The following DLG1 variants were observed in gnomAD, a reference collection of about 807,000 sequenced individuals.
The protein encoded by DLG1 is disks large homolog 1.
DLG1 carries 42 observed loss-of-function variants against 123.4 expected under a neutral mutation model. The ratio of observed to expected loss-of-function variants is 0.34; its 90% confidence interval spans 0.27 to 0.44. DLG1 has a LOEUF of 0.44. Among genes scored for constraint, DLG1 ranks in the 20% least tolerant of loss-of-function variants. The pLI, the probability that DLG1 is intolerant of heterozygous loss-of-function variation, is 1.00. For synonymous variants in DLG1, 317 were observed against 356.2 expected, an observed-to-expected ratio of 0.89 and a Z score of 1.24; for missense variants, 942 against 1,082.6, an observed-to-expected ratio of 0.87 and a Z score of 1.82.
intron 16 of DLG1, among the ~76,000 whole-genome samples, chr3:197,082,908 T>C (rs1752073401): frequency 6.6e-6 from 1 of 152,168 alleles, no homozygotes; most frequent in African/African-American, 2.4e-5. Flanking sequence ...CAGTGTTTAT[T>C]ATTGGGTGTA....
At chr3:197,241,172 T>C (rs1334943967) in intron 4 of DLG1, among the ~76,000 whole-genome samples, 1 of 151,874 alleles carries the variant, frequency 6.6e-6, no homozygotes, top group Non-Finnish European at 1.5e-5. Context: ...AAATAACATA[T>C]AAAGAAGCTC....
chr3:197,114,643 AG>A (rs1284913762), intron 13 of DLG1, among the ~76,000 whole-genome samples: 3 of 152,200 alleles, frequency 2.0e-5, no homozygotes, highest in African/African-American at 2.4e-5. Flanking sequence ...TACAATGACT[AG>A]GGAGTTTTAC....
intron 16 of DLG1, 81 bp downstream of exon 16, chr3:197,085,499 G>T: frequency 1.4e-6 from 2 of 1,436,738 alleles, no homozygotes; most frequent in Non-Finnish European, 9.7e-7. Flanking sequence ...GTCCATCCAT[G>T]TTGTCACAAA....
chr3:197,107,804 C>CA (rs761466341), intron 13 of DLG1, among the ~76,000 whole-genome samples: 1 of 139,442 alleles, frequency 7.2e-6, no homozygotes, highest in Non-Finnish European at 1.6e-5. Flanking sequence ...TTCTGGTAGC[C>CA]TTTTTTTTTT....
intron 24 of DLG1, among the ~76,000 whole-genome samples, chr3:197,049,899 CA>C (rs1183205174): frequency 1.3e-5 from 2 of 151,750 alleles, no homozygotes; most frequent in Non-Finnish European, 2.9e-5. Context: ...CCTGTCTCTA[CA>C]AAAATAAAAA....
chr3:197,216,748 A>C (rs537717270), intron 4 of DLG1, among the ~76,000 whole-genome samples: 3 of 152,320 alleles, frequency 2.0e-5, no homozygotes, highest in Non-Finnish European at 4.4e-5. Flanking sequence ...AATCCTTCTG[A>C]AATCTAAGTT....
At position 197,138,267 on chromosome 3, in the gene DLG1, C is replaced by T. The variant is rs772510206; in HGVS notation, c.838G>A (p.Val280Met). The T allele has an allele frequency of 1.2e-6, 2 of 1,603,398 alleles. No individual in the cohort carries two copies. Among genetic ancestry groups the T allele is most frequent in the Non-Finnish European group, 1.7e-6 (2 of 1,173,084 alleles). The change falls in exon 9 of 25, where the codon GTG (valine) becomes ATG (methionine). Residue 280 changes from valine to methionine, a missense_variant. By Grantham distance (21) the Val-to-Met change is conservative. Coordinates refer to ENST00000667157, the MANE Select transcript of DLG1 (RefSeq NM_001366207.1). ...VRLYVKRRKP[V>M]SEKIMEIKLI... is the part of the protein sequence containing the mutation. ...TTTATTTCCATTATTTTTTCTGACA[C>T]TGGTTTCCTTCTTTTTACATACAAG...
At chr3:197,065,603 A>T in intron 21 of DLG1, 105 bp downstream of exon 21, 2 of 1,014,484 alleles carry the variant, frequency 2.0e-6, no homozygotes, top group East Asian at 4.9e-5. Flanking sequence ...AGTAACTGAT[A>T]AAATAAGTAC....
chr3:197,209,555 A>G (rs1730282997), intron 4 of DLG1, among the ~76,000 whole-genome samples: 1 of 146,708 alleles, frequency 6.8e-6, no homozygotes, highest in East Asian at 2.0e-4. Flanking sequence ...AACACTTAAC[A>G]ACTGAAGAAA....
intron 3 of DLG1, among the ~76,000 whole-genome samples, chr3:197,289,817 G>A: frequency 6.6e-6 from 1 of 152,144 alleles, no homozygotes; most frequent in East Asian, 1.9e-4. Flanking sequence ...TTGTACTATT[G>A]TTTCACACAC....
At chr3:197,259,244 A>G (rs1274668973) in intron 4 of DLG1, among the ~76,000 whole-genome samples, 1 of 152,194 alleles carries the variant, frequency 6.6e-6, no homozygotes, top group South Asian at 2.1e-4. Context: ...TATTTCAACA[A>G]GACAGTTTAC....
At chr3:197,197,604 A>G (rs1477205721) in intron 4 of DLG1, among the ~76,000 whole-genome samples, 8 of 152,216 alleles carry the variant, frequency 5.3e-5, no homozygotes, top group Admixed American at 4.6e-4. Context: ...ATCTCTATCA[A>G]AATTCCATCA....
At chr3:197,216,150 G>T (rs1359772311) in intron 4 of DLG1, among the ~76,000 whole-genome samples, 1 of 152,222 alleles carries the variant, frequency 6.6e-6, no homozygotes, top group East Asian at 1.9e-4. Context: ...ATATAACAAA[G>T]AGAAAATTTA....
intron 5 of DLG1, among the ~76,000 whole-genome samples, chr3:197,187,366 T>G (rs1211965976): frequency 6.6e-6 from 1 of 152,218 alleles, no homozygotes; most frequent in Non-Finnish European, 1.5e-5. Context: ...GTGTCCATTT[T>G]TCTGCCACTC....
intron 14 of DLG1, among the ~76,000 whole-genome samples, chr3:197,101,081 T>C (rs1005944651): frequency 6.6e-6 from 1 of 152,180 alleles, no homozygotes; most frequent in Non-Finnish European, 1.5e-5. Context: ...TACAAGAAAC[T>C]TTTTTTCCAT....
intron 4 of DLG1, among the ~76,000 whole-genome samples, chr3:197,255,871 T>C (rs1554052108): frequency 6.6e-6 from 1 of 152,122 alleles, no homozygotes; most frequent in Non-Finnish European, 1.5e-5. Flanking sequence ...TGTGTCTTTC[T>C]ATGGATAGTG....
At chr3:197,294,901 A>G (rs1036357765) in intron 3 of DLG1, among the ~76,000 whole-genome samples, 3 of 152,036 alleles carry the variant, frequency 2.0e-5, no homozygotes, top group East Asian at 1.9e-4. Context: ...CTGCCTATCT[A>G]TACATATATG....
chr3:197,244,733 G>T lies in DLG1; in HGVS notation c.318+37946C>A, dbSNP rs775068372. Among the ~76,000 whole-genome samples, 83 of 152,090 alleles carry T rather than the reference G, an allele frequency of 5.5e-4. 1 individual carries two copies. In the Middle Eastern group the frequency reaches 0.034, roughly 62 times the overall value. ...TGTTGTTTGGACTGCAGTCTTGGTG[G>T]TTAGAAGCACGAGATAGGGTCCTTC... On this transcript the variant is annotated intron_variant, in intron 4 of 24. Transcript: ENST00000667157.
chr3:197,115,510 T>TA (rs1462796186), intron 13 of DLG1, among the ~76,000 whole-genome samples: 1 of 151,974 alleles, frequency 6.6e-6, no homozygotes, highest in African/African-American at 2.4e-5. Flanking sequence ...AAAGACATAC[T>TA]AAAAAAACCT....
Sources: gnomAD v4.1 joint callset for allele counts (sites outside exome capture counted in the v4.1 genomes callset) on GRCh38, gnomAD v4.1.1 for gene constraint, MANE v1.5 for transcripts, NCBI Gene and HGNC (gene_info 2026-07-23, HGNC 2026-07-21) for gene names.